KLF12: variants seen among roughly 807,000 people sequenced by gnomAD.
The protein encoded by KLF12 is Krueppel-like factor 12.
KLF12 carries 9 observed loss-of-function variants against 37.8 expected under a neutral mutation model. The observed-to-expected ratio is 0.24, with a 90% CI of 0.14 to 0.42. The LOEUF (loss-of-function observed/expected upper bound fraction) is 0.42, where lower values mean the gene tolerates loss of function less well. KLF12 is among the 10% of genes least tolerant of loss of function. KLF12 has a pLI of 1.00. For missense variants in KLF12, 411 were observed against 516.0 expected (o/e 0.80, Z 1.97); for synonymous variants, 208 against 202.1 (o/e 1.03, Z -0.25).
chr13:73,884,329 A>AAAAT (rs1887117564), intron 3 of KLF12, among the ~76,000 whole-genome samples: 1 of 152,218 alleles, frequency 6.6e-6, no homozygotes, highest in South Asian at 2.1e-4. Context: ...TACGGCCCAC[A>AAAAT]AAATACCATT....
intron 3 of KLF12, among the ~76,000 whole-genome samples, chr13:73,901,558 A>G (rs537171457): frequency 6.6e-6 from 1 of 152,192 alleles, no homozygotes; most frequent in South Asian, 2.1e-4. Context: ...ATGGTTATAA[A>G]TGATTGTGGT....
chr13:74,068,204 A>C (rs960289991), intron 1 of KLF12, among the ~76,000 whole-genome samples: 4 of 152,252 alleles, frequency 2.6e-5, no homozygotes, highest in African/African-American at 9.6e-5. Context: ...GAAGTGAAAT[A>C]AGAGGATGAA....
chr13:73,852,735 C>G (rs1429095208), intron 3 of KLF12, among the ~76,000 whole-genome samples: 2 of 151,858 alleles, frequency 1.3e-5, no homozygotes, highest in Non-Finnish European at 2.9e-5. Flanking sequence ...CGAGATCGTG[C>G]CACTGCACTC....
At chr13:74,147,027 T>A in the KLF12 span, among the ~76,000 whole-genome samples, 6 of 152,188 alleles carry the variant, frequency 3.9e-5, no homozygotes, top group African/African-American at 1.4e-4. Flanking sequence ...GCATGTCAGG[T>A]TTGGATTCAT....
chr13:74,303,257 C>T, the KLF12 span, among the ~76,000 whole-genome samples: 1 of 152,134 alleles, frequency 6.6e-6, no homozygotes, highest in Non-Finnish European at 1.5e-5. Flanking sequence ...TTATCTCATG[C>T]TTGGCACATG....
At chr13:73,733,000 C>T (rs1223970508) in intron 6 of KLF12, among the ~76,000 whole-genome samples, 1 of 152,102 alleles carries the variant, frequency 6.6e-6, no homozygotes, top group East Asian at 1.9e-4. Flanking sequence ...CAGGCTCAAC[C>T]TCTAAAACGT....
upstream of KLF12, among the ~76,000 whole-genome samples, chr13:74,137,098 AAAGT>A (rs1162011994): frequency 3.3e-5 from 5 of 152,342 alleles, no homozygotes; most frequent in Admixed American, 1.3e-4. Flanking sequence ...GATTTAAAGA[AAAGT>A]AAGGTGTGGA....
At chr13:74,293,553 T>G in the KLF12 span, among the ~76,000 whole-genome samples, 3 of 152,220 alleles carry the variant, frequency 2.0e-5, no homozygotes, top group Non-Finnish European at 4.4e-5. Flanking sequence ...TTTTAAGATC[T>G]TTCTGTTCTC....
chr13:73,726,953 T>C lies in KLF12; in HGVS notation c.870-11428A>G, dbSNP rs113788684. Among the ~76,000 whole-genome samples, 817 of 152,318 alleles carry C rather than the reference T, an allele frequency of 5.4e-3. 6 individuals carry two copies. Among genetic ancestry groups the C allele is most frequent in the African/African-American group, 0.018 (760 of 41,566 alleles). On this transcript the variant is annotated intron_variant, in intron 6 of 7. Transcript: ENST00000377669. ...TTTCCACATCCTCACCAACGCATAA[T>C]GTCAGTCTTTTTAATTTCAGCAATC...
intron 2 of KLF12, among the ~76,000 whole-genome samples, chr13:73,983,878 G>T (rs1366971239): frequency 6.6e-6 from 1 of 152,200 alleles, no homozygotes; most frequent in East Asian, 1.9e-4. Context: ...TAATCTTGCA[G>T]GTTCTCAGAG....
At chr13:73,878,790 G>C (rs1350388324) in intron 3 of KLF12, among the ~76,000 whole-genome samples, 2 of 152,068 alleles carry the variant, frequency 1.3e-5, no homozygotes, top group Non-Finnish European at 2.9e-5. Context: ...TGTGGACAGT[G>C]CTCCAGAGAC....
intron 5 of KLF12, among the ~76,000 whole-genome samples, chr13:73,791,588 C>A (rs951749455): frequency 1.3e-5 from 2 of 152,190 alleles, no homozygotes; most frequent in Non-Finnish European, 1.5e-5. Context: ...TTATGCTCTG[C>A]ATATCTAGGT....
At chr13:73,749,281 T>C (rs1404739998) in intron 6 of KLF12, among the ~76,000 whole-genome samples, 1 of 152,226 alleles carries the variant, frequency 6.6e-6, no homozygotes, top group African/African-American at 2.4e-5. Context: ...TTTGTTCATA[T>C]GAAAATGTCG....
chr13:74,044,070 C>T (rs1893477863), intron 1 of KLF12, among the ~76,000 whole-genome samples: 1 of 152,094 alleles, frequency 6.6e-6, no homozygotes, highest in Admixed American at 6.5e-5. Context: ...TATACCTTGC[C>T]CTTAGATGAA....
the KLF12 span, among the ~76,000 whole-genome samples, chr13:74,260,206 C>T: frequency 1.1e-4 from 16 of 152,190 alleles, no homozygotes; most frequent in African/African-American, 3.4e-4. Context: ...TAAGAGGTTA[C>T]TTGGACCATT....
At chr13:74,145,005 C>T in the KLF12 span, among the ~76,000 whole-genome samples, 83 of 152,082 alleles carry the variant, frequency 5.5e-4, no homozygotes, top group Non-Finnish European at 9.6e-4. Flanking sequence ...GTATTTATTA[C>T]ATAAAGAGAA....
rs189337406 is a variant in KLF12 at position 73,807,060 on chromosome 13, C to T, written c.806+6092G>A. Among the ~76,000 whole-genome samples, 918 of 152,232 alleles carry T rather than the reference C, an allele frequency of 6.0e-3. 13 individuals carry two copies. Among genetic ancestry groups the T allele is most frequent in the African/African-American group, 0.021 (867 of 41,534 alleles). ...GGTGGCTCACACCTGTAAATCCCAA[C>T]GCTTTGGAAGGCCGAGGTGGGTGGA... On this transcript the variant is annotated intron_variant, in intron 5 of 7. Coordinates refer to ENST00000377669, the MANE Select transcript of KLF12 (RefSeq NM_007249.5).
At chr13:74,142,161 A>G in the KLF12 span, among the ~76,000 whole-genome samples, 2 of 152,230 alleles carry the variant, frequency 1.3e-5, no homozygotes, top group Non-Finnish European at 2.9e-5. Flanking sequence ...TGATTTACCT[A>G]AGGCAAAATG....
chr13:73,701,878 G>C (rs1220019814), intron 7 of KLF12, among the ~76,000 whole-genome samples: 1 of 152,050 alleles, frequency 6.6e-6, no homozygotes, highest in African/African-American at 2.4e-5. Context: ...CACAACCTGT[G>C]CTTCTCCAGT....
Sources: allele counts gnomAD v4.1 joint callset (sites outside exome capture counted in the v4.1 genomes callset), GRCh38; gene constraint gnomAD v4.1.1; transcripts MANE v1.5; gene names NCBI Gene and HGNC (gene_info 2026-07-23, HGNC 2026-07-21).